Variants in TMEM132D observed in about 807,000 individuals in gnomAD.
TMEM132D encodes the protein transmembrane protein 132D.
In TMEM132D, 21 loss-of-function variants were observed where a neutral mutation model predicts 62.3. That is an observed-to-expected ratio of 0.34 (90% CI 0.24 to 0.49). TMEM132D has a LOEUF of 0.49. Ranked by LOEUF, TMEM132D falls within the 20% of genes least tolerant of loss-of-function variation. The probability of loss-of-function intolerance (pLI) is 0.99; values close to 1 mark genes in which losing one functional copy is unlikely to be tolerated. For missense variants in TMEM132D, 1,346 were observed against 1,402.8 expected (o/e 0.96, Z 0.65); for synonymous variants, 621 against 575.6 (o/e 1.08, Z -1.13).
At chr12:129,259,507 A>G (rs1880495968) in intron 4 of TMEM132D, among the ~76,000 whole-genome samples, 2 of 152,256 alleles carry the variant, frequency 1.3e-5, no homozygotes, top group South Asian at 4.1e-4. Context: ...GGCAGGATCC[A>G]GACCGTATCT....
intron 1 of TMEM132D, among the ~76,000 whole-genome samples, chr12:129,725,660 C>T (rs768553491): frequency 1.3e-5 from 2 of 152,174 alleles, no homozygotes; most frequent in Non-Finnish European, 2.9e-5. Flanking sequence ...CACATGCACA[C>T]ATAACAGGCA....
chr12:129,129,123 C>T (rs960532266), intron 5 of TMEM132D, among the ~76,000 whole-genome samples: 1 of 152,074 alleles, frequency 6.6e-6, no homozygotes, highest in Non-Finnish European at 1.5e-5. Context: ...GTTAGTTTTT[C>T]AACCTTTGCC....
At chr12:129,140,561 G>A (rs1013847502) in intron 5 of TMEM132D, among the ~76,000 whole-genome samples, 2 of 152,076 alleles carry the variant, frequency 1.3e-5, no homozygotes, top group African/African-American at 4.8e-5. Context: ...GAGATTCACC[G>A]GGCATGGTGG....
chr12:129,445,172 G>C (rs1016023558), intron 3 of TMEM132D, among the ~76,000 whole-genome samples: 2 of 152,130 alleles, frequency 1.3e-5, no homozygotes, highest in African/African-American at 4.8e-5. Flanking sequence ...AACATGGATA[G>C]AGCTGGAGGC....
intron 3 of TMEM132D, among the ~76,000 whole-genome samples, chr12:129,480,483 G>A (rs768991832): frequency 6.6e-6 from 1 of 152,186 alleles, no homozygotes; most frequent in African/African-American, 2.4e-5. Context: ...TTGGTCATCC[G>A]GGTGAGTGAT....
intron 3 of TMEM132D, among the ~76,000 whole-genome samples, chr12:129,455,484 C>A (rs530858642): frequency 2.0e-5 from 3 of 152,104 alleles, no homozygotes; most frequent in Non-Finnish European, 4.4e-5. Flanking sequence ...ACGTATATAA[C>A]GTGATTATAA....
intron 2 of TMEM132D, among the ~76,000 whole-genome samples, chr12:129,574,404 G>A (rs1877600143): frequency 6.6e-6 from 1 of 151,718 alleles, no homozygotes; most frequent in Admixed American, 6.6e-5. Context: ...AGAATCTTTG[G>A]GAATATTAAA....
chr12:129,294,527 C>A (rs2135622043), intron 4 of TMEM132D, among the ~76,000 whole-genome samples: 1 of 152,218 alleles, frequency 6.6e-6, no homozygotes, highest in Middle Eastern at 3.4e-3. Flanking sequence ...TCTCATTTAC[C>A]CTTTCCAGAG....
At position 129,903,296 on chromosome 12, in the gene TMEM132D, G is replaced by A. The variant is rs1025938059; in HGVS notation, c.44C>T (p.Pro15Leu). ...EMGTLWHHWSPVLISLAALFS... is the reference protein window; with the variant it reads ...EMGTLWHHWSLVLISLAALFS... ...CAGGGCGGCCAGGCTGATGAGTACCGGCGACCAGTGGTGCCACAGCGTCCC... is the reference window on the plus strand; with the variant it reads ...CAGGGCGGCCAGGCTGATGAGTACCAGCGACCAGTGGTGCCACAGCGTCCC... The change falls in exon 1 of 9, where the codon CCG becomes CTG. Residue 15 changes from proline (P) to leucine (L), a missense_variant. Physicochemically the swap from Pro to Leu is moderately conservative, Grantham distance 98. Coordinates refer to ENST00000422113, the MANE Select transcript of TMEM132D (RefSeq NM_133448.3). The surrounding 1 kb of genome is among the most constrained non-coding windows in gnomAD (Gnocchi z 6.2). 7 of 1,554,352 alleles carry A rather than the reference G, an allele frequency of 4.5e-6. No individual in the cohort carries two copies. Among genetic ancestry groups the A allele is most frequent in the Non-Finnish European group, 6.1e-6 (7 of 1,148,676 alleles).
At chr12:129,256,165 C>T (rs528165606) in intron 4 of TMEM132D, among the ~76,000 whole-genome samples, 11 of 152,262 alleles carry the variant, frequency 7.2e-5, no homozygotes, top group African/African-American at 2.2e-4. Flanking sequence ...CTGCAACCTC[C>T]GCCTCTGGGG....
chr12:129,872,667 C>T (rs1263789269), intron 1 of TMEM132D, among the ~76,000 whole-genome samples: 2 of 152,162 alleles, frequency 1.3e-5, no homozygotes, highest in African/African-American at 4.8e-5. Flanking sequence ...ATCTTTGGAG[C>T]GAAAGTCAGT....
chr12:129,499,757 A>G (rs1875071007), intron 3 of TMEM132D, among the ~76,000 whole-genome samples: 1 of 152,222 alleles, frequency 6.6e-6, no homozygotes, highest in African/African-American at 2.4e-5. Flanking sequence ...AAGGAATTTA[A>G]GTAGAAAACA....
At chr12:129,217,677 A>G (rs1017783937) in intron 4 of TMEM132D, among the ~76,000 whole-genome samples, 5 of 152,030 alleles carry the variant, frequency 3.3e-5, no homozygotes, top group Non-Finnish European at 7.4e-5. Context: ...AAATGGACAT[A>G]AAAGCTAACT....
chr12:129,223,220 C>T (rs1420837297), intron 4 of TMEM132D, among the ~76,000 whole-genome samples: 1 of 151,892 alleles, frequency 6.6e-6, no homozygotes, highest in African/African-American at 2.4e-5. Context: ...GGAACCTAGC[C>T]CCGGAAGTAG....
chr12:129,114,583 T>C (rs554421531), intron 5 of TMEM132D, among the ~76,000 whole-genome samples: 8 of 152,308 alleles, frequency 5.3e-5, no homozygotes, highest in Admixed American at 1.3e-4. Context: ...CAATGACATT[T>C]CATGAAGCAA....
chr12:129,151,144 C>T (rs901918854), intron 5 of TMEM132D, among the ~76,000 whole-genome samples: 1 of 152,168 alleles, frequency 6.6e-6, no homozygotes, highest in Admixed American at 6.5e-5. Context: ...AGAAGACTAT[C>T]GAAGCCTTTG....
intron 3 of TMEM132D, among the ~76,000 whole-genome samples, chr12:129,379,264 T>C (rs1159256914): frequency 2.0e-5 from 3 of 152,046 alleles, no homozygotes; most frequent in African/African-American, 7.2e-5. Context: ...TCACTGTACT[T>C]GATAAGAACA....
chr12:129,671,175 A>G (rs1334939878), intron 2 of TMEM132D, among the ~76,000 whole-genome samples: 1 of 152,210 alleles, frequency 6.6e-6, no homozygotes, highest in Non-Finnish European at 1.5e-5. Context: ...GAAAAGTAAA[A>G]AATTTATGGC....
intron 4 of TMEM132D, among the ~76,000 whole-genome samples, chr12:129,278,194 C>A (rs185467444): frequency 6.0e-4 from 91 of 152,254 alleles, no homozygotes; most frequent in African/African-American, 2.1e-3. Context: ...CTCTGAGAAA[C>A]GCAGCAGCCA....
Sources: allele counts gnomAD v4.1 joint callset (sites outside exome capture counted in the v4.1 genomes callset), GRCh38; gene constraint gnomAD v4.1.1; non-coding constraint Gnocchi (gnomAD v3.1); transcripts MANE v1.5; gene names NCBI Gene and HGNC (gene_info 2026-07-23, HGNC 2026-07-21).